The following PPFIA1 variants were observed in gnomAD, a reference collection of about 807,000 sequenced individuals.
PPFIA1 encodes the protein PPFI scaffold protein A1.
PPFIA1 carries 25 observed loss-of-function variants against 149.9 expected under a neutral mutation model. That is an observed-to-expected ratio of 0.17 (90% confidence interval 0.12 to 0.23). The LOEUF is 0.23. Ranked by LOEUF, PPFIA1 falls within the 10% of genes least tolerant of loss-of-function variation. The pLI, the probability that PPFIA1 is intolerant of heterozygous loss-of-function variation, is 1.00. For synonymous variants in PPFIA1, 549 were observed against 552.8 expected, an observed-to-expected ratio of 0.99 and a Z score of 0.10; for missense variants, 1,362 against 1,506.5, an observed-to-expected ratio of 0.90 and a Z score of 1.59.
rs192535201 is a variant in PPFIA1 at position 70,280,795 on chromosome 11, T to C, written c.264+8359T>C. Reference sequence around the variant, plus strand: ...TTTGCCCAAGCTGTTCTTAAACTCCTGACCTCAAGTGAGCCTCCTACCTTG... The same window carrying C: ...TTTGCCCAAGCTGTTCTTAAACTCCCGACCTCAAGTGAGCCTCCTACCTTG... On this transcript the variant is annotated intron_variant, in intron 2 of 27. Coordinates refer to ENST00000253925, the MANE Select transcript of PPFIA1 (RefSeq NM_003626.5). Among the ~76,000 whole-genome samples the C allele has an allele frequency of 6.6e-5, 10 of 152,308 alleles. No individual in the cohort carries two copies. The East Asian group carries it at 1.5e-3, about 24-fold the overall frequency.
chr11:70,300,682 C>T (rs980971739), intron 2 of PPFIA1, among the ~76,000 whole-genome samples: 22 of 152,164 alleles, frequency 1.4e-4, no homozygotes, highest in African/African-American at 4.3e-4. Flanking sequence ...TACAGGCGCC[C>T]GCCACCACGC....
rs1483858201 is a variant in PPFIA1 at position 70,354,333 on chromosome 11, CAA to C, written c.2197_2198del (p.Lys733AspfsTer6). The C allele has an allele frequency of 6.2e-7, 1 of 1,614,034 alleles. No individual in the cohort carries two copies. The highest frequency in any genetic ancestry group is 8.5e-7 in the Non-Finnish European group (1 of 1,180,000). ...CTTCCAGAGAAGAGGTACGAGATGA[CAA>C]GACAACCATAAAGTGTGAAACCTCC... is the stretch of plus-strand genomic sequence containing the variant. ...PPSREEVRDD[K>X]TTIKCETSPP... On this transcript the variant is annotated frameshift_variant, in exon 17 of 28. Transcript: ENST00000253925. LOFTEE classifies it high-confidence loss of function.
intron 2 of PPFIA1, among the ~76,000 whole-genome samples, chr11:70,290,447 A>G (rs1460986400): frequency 2.0e-5 from 3 of 152,194 alleles, no homozygotes; most frequent in Admixed American, 1.3e-4. Flanking sequence ...TCACTCTCAG[A>G]AATGAAGCAT....
At chr11:70,316,234 G>T (rs2053620018) in intron 2 of PPFIA1, among the ~76,000 whole-genome samples, 1 of 152,012 alleles carries the variant, frequency 6.6e-6, no homozygotes, top group Admixed American at 6.6e-5. Flanking sequence ...ACCACGCCTG[G>T]CTAATTTTTG....
rs185579486 is a variant in PPFIA1 at position 70,288,109 on chromosome 11, C to G, written c.264+15673C>G. On this transcript the variant is annotated intron_variant, in intron 2 of 27. Coordinates refer to ENST00000253925, the MANE Select transcript of PPFIA1 (RefSeq NM_003626.5). ...TTCTTTTTTGAGACGGAGTCTTGCT[C>G]TGTCGCCCAGGCTGGAGTGCAGTGG... 2.7e-3 allele frequency among the ~76,000 whole-genome samples: 402 copies of G among 146,904 alleles called. 1 individual carries two copies. The highest frequency in any genetic ancestry group is 9.9e-3 in the African/African-American group (391 of 39,326).
intron 2 of PPFIA1, chr11:70,283,936 A>G: frequency 2.0e-6 from 1 of 502,024 alleles, no homozygotes. Flanking sequence ...GTCCAGGTTT[A>G]GGTATAAAGA....
intron 16 of PPFIA1, among the ~76,000 whole-genome samples, chr11:70,352,315 T>G (rs566976562): frequency 3.0e-4 from 45 of 152,216 alleles, no homozygotes; most frequent in Non-Finnish European, 5.1e-4. Flanking sequence ...CCTGTGGCTG[T>G]CTGTGGTGAG....
At chr11:70,331,846 C>T in intron 8 of PPFIA1, 114 bp from the exon 9 acceptor site, 1 of 1,184,690 alleles carries the variant, frequency 8.4e-7, no homozygotes, top group Non-Finnish European at 1.1e-6. Context: ...ATCACTGTAG[C>T]TCTTCCATCA....
chr11:70,379,542 T>C (rs1445606285), intron 26 of PPFIA1, among the ~76,000 whole-genome samples: 2 of 151,680 alleles, frequency 1.3e-5, no homozygotes, highest in Non-Finnish European at 2.9e-5. Context: ...TTTGATAGGC[T>C]GAGAGGCAGG....
chr11:70,351,441 G>C (rs1227399705), intron 16 of PPFIA1, among the ~76,000 whole-genome samples: 2 of 152,202 alleles, frequency 1.3e-5, no homozygotes, highest in Non-Finnish European at 2.9e-5. Context: ...GTCTGGTATA[G>C]GCTGAGTGTC....
At chr11:70,284,777 T>G (rs1218493883) in intron 2 of PPFIA1, among the ~76,000 whole-genome samples, 1 of 152,034 alleles carries the variant, frequency 6.6e-6, no homozygotes, top group African/African-American at 2.4e-5. Flanking sequence ...AGCTTAGCAT[T>G]TAGCTGAGTC....
intron 2 of PPFIA1, among the ~76,000 whole-genome samples, chr11:70,304,018 CA>C (rs111257665): frequency 0.23 from 33,944 of 146,448 alleles, 5,840 homozygotes; most frequent in African/African-American, 0.49. Context: ...AAAGAAAAGA[CA>C]AAAAAAAAAG....
At chr11:70,318,628 C>T (rs2053766575) in intron 2 of PPFIA1, among the ~76,000 whole-genome samples, 1 of 152,224 alleles carries the variant, frequency 6.6e-6, no homozygotes, top group Non-Finnish European at 1.5e-5. Flanking sequence ...GTACTCCCTG[C>T]TTTACTTCCA....
chr11:70,351,368 T>A (rs2056046835), intron 16 of PPFIA1, among the ~76,000 whole-genome samples: 1 of 152,226 alleles, frequency 6.6e-6, no homozygotes, highest in Admixed American at 6.5e-5. Context: ...CCCATTTTCA[T>A]AATAATCACA....
chr11:70,363,769 G>A (rs952511885), intron 21 of PPFIA1, among the ~76,000 whole-genome samples: 157 of 151,762 alleles, frequency 1.0e-3, no homozygotes, highest in African/African-American at 3.6e-3. Flanking sequence ...CTGCCTCAGA[G>A]TCCCTGAGTG....
intron 2 of PPFIA1, among the ~76,000 whole-genome samples, chr11:70,281,607 G>A (rs1199351085): frequency 6.6e-6 from 1 of 152,092 alleles, no homozygotes; most frequent in Admixed American, 6.6e-5. Context: ...ACTTCTTTTT[G>A]TCTCCCCAGA....
chr11:70,306,461 A>T (rs920662461), intron 2 of PPFIA1, among the ~76,000 whole-genome samples: 1 of 152,204 alleles, frequency 6.6e-6, no homozygotes, highest in Non-Finnish European at 1.5e-5. Flanking sequence ...TGACATTCAT[A>T]AAAAAACCCT....
chr11:70,296,674 AAG>A (rs958278886), intron 2 of PPFIA1, among the ~76,000 whole-genome samples: 3 of 141,704 alleles, frequency 2.1e-5, no homozygotes, highest in Non-Finnish European at 4.6e-5. Context: ...AGACCGTGGA[AAG>A]AGAGGGAGAG....
chr11:70,338,316 A>G, intron 12 of PPFIA1, 58 bp from the exon 13 acceptor site: 2 of 1,331,276 alleles, frequency 1.5e-6, no homozygotes, highest in Non-Finnish European at 2.2e-6. Context: ...CATTTGAAGT[A>G]AGTGGTTTTA....
Sources: allele counts gnomAD v4.1 joint callset (sites outside exome capture counted in the v4.1 genomes callset), GRCh38; gene constraint gnomAD v4.1.1; transcripts MANE v1.5; gene names NCBI Gene and HGNC (gene_info 2026-07-23, HGNC 2026-07-21).